RALGAPB: variants seen among roughly 807,000 people sequenced by gnomAD.
RALGAPB encodes the protein Ral GTPase activating protein non-catalytic subunit beta, also known as ral GTPase-activating protein subunit beta.
A neutral mutation model predicts 161.1 loss-of-function variants in RALGAPB; 25 were observed. The observed-to-expected ratio is 0.16, with a 90% CI of 0.11 to 0.22. RALGAPB has a LOEUF of 0.22. Among genes scored for constraint, RALGAPB ranks in the 10% least tolerant of loss-of-function variants. RALGAPB has a pLI of 1.00. For synonymous variants in RALGAPB, 629 were observed against 626.1 expected (o/e 1.00, Z -0.07); for missense variants, 1,391 against 1,815.2 (o/e 0.77, Z 4.25).
intron 22 of RALGAPB, among the ~76,000 whole-genome samples, chr20:38,556,662 T>C (rs146758937): frequency 6.6e-6 from 1 of 152,038 alleles, no homozygotes; most frequent in East Asian, 1.9e-4. Context: ...TTAAGAGATA[T>C]AAAATATGTA....
In RALGAPB at chr20:38,548,785, C is replaced by T. The variant is rs368478790; in HGVS notation, c.2999C>T (p.Ala1000Val). Residue 1000 changes from alanine (A) to valine (V), a missense_variant, in exon 20 of 30, where the codon GCA becomes GTA. Ala to Val is a moderately conservative substitution (Grantham distance 64). Coordinates refer to ENST00000262879, the MANE Select transcript of RALGAPB (RefSeq NM_020336.4). ...QLCLLPRGAK[A>V]NQKLFVPEPR... ...TGTCTTTTACCCAGAGGAGCAAAAG[C>T]AAATCAGAAGGTATTCATCAGAAGT... 5.0e-6 allele frequency: 8 copies of T among 1,609,826 alleles called. No individual in the cohort carries two copies. The highest frequency in any genetic ancestry group is 2.2e-5 in the South Asian group (2 of 90,992).
intron 10 of RALGAPB, among the ~76,000 whole-genome samples, chr20:38,522,528 G>T (rs963053049): frequency 6.6e-6 from 1 of 151,982 alleles, no homozygotes; most frequent in African/African-American, 2.4e-5. Flanking sequence ...ATGGCCTCCC[G>T]TTCTTCTTGA....
At chr20:38,498,088 AAAG>A (rs1451451751) in intron 4 of RALGAPB, among the ~76,000 whole-genome samples, 1 of 140,986 alleles carries the variant, frequency 7.1e-6, no homozygotes, top group Non-Finnish European at 1.6e-5. Flanking sequence ...AAAAAAAAGA[AAAG>A]AAACAATTAA....
At chr20:38,527,172 T>C (rs557534601) in intron 13 of RALGAPB, among the ~76,000 whole-genome samples, 1 of 152,238 alleles carries the variant, frequency 6.6e-6, no homozygotes, top group South Asian at 2.1e-4. Context: ...TTAGCAAGAC[T>C]AGAATTCAGC....
chr20:38,506,665 A>G (rs2085772711), intron 5 of RALGAPB, among the ~76,000 whole-genome samples: 1 of 152,100 alleles, frequency 6.6e-6, no homozygotes, highest in Non-Finnish European at 1.5e-5. Context: ...AGTGTTTCAC[A>G]TTTTGGATTT....
At chr20:38,485,966 C>CTTTTT (rs11481893) in intron 1 of RALGAPB, among the ~76,000 whole-genome samples, 13 of 90,692 alleles carry the variant, frequency 1.4e-4, no homozygotes, top group Non-Finnish European at 1.8e-4. Flanking sequence ...CTTTCTATAT[C>CTTTTT]TTTTTTTTTT....
intron 15 of RALGAPB, among the ~76,000 whole-genome samples, chr20:38,533,984 CA>C (rs2086729570): frequency 1.4e-5 from 1 of 71,928 alleles, no homozygotes; most frequent in East Asian, 4.1e-4. Flanking sequence ...ACTAAAAATA[CA>C]AAAATTAGCT....
At chr20:38,510,533 A>G (rs1568926587) in intron 6 of RALGAPB, among the ~76,000 whole-genome samples, 1 of 152,220 alleles carries the variant, frequency 6.6e-6, no homozygotes, top group Non-Finnish European at 1.5e-5. Flanking sequence ...AACAGAAGGA[A>G]AAACCTCAAC....
At chr20:38,532,619 A>G in intron 14 of RALGAPB, 111 bp from the exon 15 acceptor site, 1 of 1,293,318 alleles carries the variant, frequency 7.7e-7, no homozygotes, top group East Asian at 2.3e-5. Flanking sequence ...ATCAGTTTGT[A>G]CTATTCAGTT....
chr20:38,488,782 T>C (rs976077806), intron 2 of RALGAPB, among the ~76,000 whole-genome samples, 164 bp downstream of exon 2: 41 of 152,190 alleles, frequency 2.7e-4, no homozygotes, highest in African/African-American at 9.2e-4. Context: ...ACTTCTCAAT[T>C]TTGATCTTGT....
chr20:38,573,184 G>C (rs189529425), intron 28 of RALGAPB, among the ~76,000 whole-genome samples: 153 of 151,466 alleles, frequency 1.0e-3, no homozygotes, highest in Admixed American at 8.3e-3. Flanking sequence ...CTCCTGCCTC[G>C]GCCTCTCAAG....
chr20:38,574,913 A>G lies in RALGAPB; in HGVS notation c.4431A>G (p.Pro1477=), dbSNP rs2088380875. ...VNKYRNKQLE[P]EFYTSLFQEV... ...AGTACCGGAACAAGCAGCTGGAGCC[A>G]GAGTTTTATACTTCACTTTTCCAGG... Residue 1477 remains proline (P), a synonymous_variant, in exon 30 of 30, where the codon CCA becomes CCG. Coordinates refer to ENST00000262879, the MANE Select transcript of RALGAPB (RefSeq NM_020336.4). The G allele has an allele frequency of 6.2e-7, 1 of 1,614,082 alleles. No individual in the cohort carries two copies. Among genetic ancestry groups the G allele is most frequent in the Non-Finnish European group, 8.5e-7 (1 of 1,179,932 alleles).
At chr20:38,551,767 A>G (rs1223989043) in intron 21 of RALGAPB, among the ~76,000 whole-genome samples, 1 of 152,164 alleles carries the variant, frequency 6.6e-6, no homozygotes, top group East Asian at 1.9e-4. Context: ...TTGGCTTTGG[A>G]TTAATTTAGA....
rs190995546 is a variant in RALGAPB at position 38,504,798 on chromosome 20, A to G, written c.741-4279A>G. 2.6e-5 allele frequency among the ~76,000 whole-genome samples: 4 copies of G among 152,358 alleles called. No individual in the cohort carries two copies. In the East Asian group the frequency reaches 7.7e-4, roughly 29 times the overall value. ...ACAGACACTTATCAAAAGAAGACAT[A>G]TAAGTGGCCAAGAAACATATGAAAA... On this transcript the variant is annotated intron_variant, in intron 5 of 29. Transcript: ENST00000262879.
At chr20:38,565,546 T>C (rs1157450952) in intron 25 of RALGAPB, 68 bp downstream of exon 25, 1 of 1,546,648 alleles carries the variant, frequency 6.5e-7, no homozygotes, top group African/African-American at 1.4e-5. Context: ...GTGATATTAC[T>C]GCATTGGAAG....
intron 14 of RALGAPB, among the ~76,000 whole-genome samples, chr20:38,531,497 A>C (rs2086648967): frequency 6.6e-6 from 1 of 152,222 alleles, no homozygotes; most frequent in African/African-American, 2.4e-5. Context: ...GTGTCTGCTT[A>C]AAACTGTTAC....
At chr20:38,488,671 A>G in intron 2 of RALGAPB, 53 bp downstream of exon 2, 1 of 1,524,818 alleles carries the variant, frequency 6.6e-7, no homozygotes, top group East Asian at 2.3e-5. Context: ...TTTGTTCTTG[A>G]AGAATTTGTT....
At chr20:38,557,366 C>A (rs2864932) in intron 22 of RALGAPB, among the ~76,000 whole-genome samples, 120,887 of 152,002 alleles carry the variant, frequency 0.8, 48,172 homozygotes, top group East Asian at 0.91. Flanking sequence ...GTGCATTACT[C>A]ACCGAAGTCG....
chr20:38,485,993 G>A (rs1298182648), intron 1 of RALGAPB, among the ~76,000 whole-genome samples: 1 of 92,284 alleles, frequency 1.1e-5, no homozygotes, highest in Admixed American at 1.2e-4. Context: ...TTTTGAGATG[G>A]AGTTTTGCTT....
Sources: gnomAD v4.1 joint callset for allele counts (sites outside exome capture counted in the v4.1 genomes callset) on GRCh38, gnomAD v4.1.1 for gene constraint, MANE v1.5 for transcripts, NCBI Gene and HGNC (gene_info 2026-07-23, HGNC 2026-07-21) for gene names.